Variants in HERC1 observed in about 807,000 individuals in gnomAD.
HERC1 encodes the protein HECT and RLD domain containing E3 ubiquitin protein ligase family member 1.
Under a neutral mutation model 554.3 loss-of-function variants are expected in HERC1, and 160 were observed. The observed-to-expected ratio is 0.29, with a 90% CI of 0.25 to 0.33. The LOEUF (loss-of-function observed/expected upper bound fraction) is 0.33. Among genes scored for constraint, HERC1 ranks in the 10% least tolerant of loss-of-function variants. HERC1 has a pLI of 1.00. For missense variants in HERC1, 4,919 were observed against 5,918.5 expected, an observed-to-expected ratio of 0.83 and a Z score of 5.54; for synonymous variants, 2,175 against 2,131.7, an observed-to-expected ratio of 1.02 and a Z score of -0.56.
At position 63,608,975 on chromosome 15, in the gene HERC1, T is replaced by G; in HGVS notation, c.*106A>C. On this transcript the variant is annotated 3_prime_UTR_variant, in exon 78 of 78. Coordinates refer to ENST00000443617, the MANE Select transcript of HERC1 (RefSeq NM_003922.4). ...ATGTGGCCATTGTTTATAATGTTGG[T>G]TTATGTTCTTATAACATCTATGTAG... The G allele has an allele frequency of 1.0e-6, 1 of 967,540 alleles. No homozygotes were observed. Among genetic ancestry groups the G allele is most frequent in the Non-Finnish European group, 1.5e-6 (1 of 677,272 alleles). 59.9% of individuals were successfully genotyped at this position (967,540 alleles called of 1,614,324 possible). A position where few individuals can be genotyped will look rare whatever the true frequency, so the allele number is the denominator to read the frequency against.
intron 44 of HERC1, among the ~76,000 whole-genome samples, chr15:63,662,723 A>C (rs1431222998): frequency 6.6e-6 from 1 of 152,214 alleles, no homozygotes; most frequent in African/African-American, 2.4e-5. Flanking sequence ...TGACATCAGA[A>C]TCAAATATTA....
intron 23 of HERC1, 99 bp from the exon 24 acceptor site, chr15:63,712,994 G>C: frequency 8.8e-7 from 1 of 1,134,766 alleles, no homozygotes; most frequent in Non-Finnish European, 1.2e-6. Flanking sequence ...TACACACACA[G>C]GGAGGAGTAA....
At chr15:63,785,008 G>A (rs79986168) in intron 1 of HERC1, among the ~76,000 whole-genome samples, 4,137 of 152,254 alleles carry the variant, frequency 0.027, 171 homozygotes, top group African/African-American at 0.094. Context: ...AGAGAGGAAG[G>A]GGAAAGGAGT....
intron 1 of HERC1, among the ~76,000 whole-genome samples, chr15:63,827,435 A>G (rs1424887671): frequency 6.6e-6 from 1 of 152,018 alleles, no homozygotes; most frequent in African/African-American, 2.4e-5. Flanking sequence ...AAAAAAAAAA[A>G]GACCGAAGAA....
rs2069863495 is a variant in HERC1 at position 63,654,026 on chromosome 15, G to C, written c.10290+93C>G. On this transcript the variant is annotated intron_variant, in intron 51 of 77. Transcript: ENST00000443617. The stretch of plus-strand genomic sequence containing the variant: ...TACGTGTGAAAGAGAGTGACACAAA[G>C]AGAGAGACCTAAACTTTGAGCTCCT... The C allele has an allele frequency of 4.3e-6, 4 of 931,134 alleles. No individual in the cohort carries two copies. The Admixed American group carries it at 5.5e-5, about 13-fold the overall frequency. The allele number at this position is 931,134 out of a possible 1,614,324, so 57.7% of individuals were successfully genotyped here.
Position 63,713,672 on chromosome 15 carries a change from C to G in HERC1, c.4151-7G>C. ...AGGAAACACTGAAAGATTTCTGTAACATGCAACACAAAAACAAGGTCTTAA... is the reference window on the plus strand; with the variant it reads ...AGGAAACACTGAAAGATTTCTGTAAGATGCAACACAAAAACAAGGTCTTAA... On this transcript the variant is annotated splice_polypyrimidine_tract_variant and splice_region_variant and intron_variant, in intron 22 of 77. Coordinates refer to ENST00000443617, the MANE Select transcript of HERC1 (RefSeq NM_003922.4). 1 of 1,600,846 alleles carries G rather than the reference C, an allele frequency of 6.2e-7. No homozygotes were observed. Among genetic ancestry groups the G allele is most frequent in the Non-Finnish European group, 8.5e-7 (1 of 1,172,214 alleles).
At chr15:63,746,318 C>T (rs1159176634) in intron 12 of HERC1, among the ~76,000 whole-genome samples, 1 of 152,054 alleles carries the variant, frequency 6.6e-6, no homozygotes, top group African/African-American at 2.4e-5. Context: ...TTAAAAATTA[C>T]TGTACTTTCT....
chr15:63,696,058 C>G, intron 27 of HERC1, 66 bp downstream of exon 27: 1 of 1,197,470 alleles, frequency 8.4e-7, no homozygotes, highest in South Asian at 1.3e-5. Flanking sequence ...CAAAAAGTTT[C>G]ACATTATTAA....
chr15:63,712,760 T>A lies in HERC1; in HGVS notation c.4584+15A>T. 1 of 1,608,192 alleles carries A rather than the reference T, an allele frequency of 6.2e-7. No homozygotes were observed. Among genetic ancestry groups the A allele is most frequent in the Non-Finnish European group, 8.5e-7 (1 of 1,177,648 alleles). On this transcript the variant is annotated intron_variant, in intron 24 of 77. Coordinates refer to ENST00000443617, the MANE Select transcript of HERC1 (RefSeq NM_003922.4). ...AAAACAAAAATCTTTCTTTACTGAA[T>A]CTGGGTATACCTACCAGTGCGTAAC...
chr15:63,622,911 A>T lies in HERC1; in HGVS notation c.13612-20T>A, dbSNP rs1194157260. 9 of 1,542,154 alleles carry T rather than the reference A, an allele frequency of 5.8e-6. No individual in the cohort carries two copies. The South Asian group carries it at 9.8e-5, about 17-fold the overall frequency. Reference sequence around the variant, plus strand: ...AAGTTCCTGCAGAAGAAAGAAAAAAATTTTTTGAGAAATGACAATCAAATG... The same window carrying T: ...AAGTTCCTGCAGAAGAAAGAAAAAATTTTTTTGAGAAATGACAATCAAATG... On this transcript the variant is annotated intron_variant, in intron 73 of 77. Transcript: ENST00000443617.
In HERC1 at chr15:63,666,015, C is replaced by A; in HGVS notation, c.8459G>T (p.Gly2820Val). 1 of 1,614,046 alleles carries A rather than the reference C, an allele frequency of 6.2e-7. No homozygotes were observed. ...GGGATCATTTGACTTCCCGCCACTG[C>A]CTAGAACGGCTGCTCCAGGCCTAGA... ...ADSRPGAAVL[G>V]SGGKSNDPCY... Residue 2820 changes from glycine to valine, a missense_variant, in exon 42 of 78, where the codon GGC (glycine) becomes GTC (valine). By Grantham distance (109) the Gly-to-Val change is moderately radical. Transcript: ENST00000443617.
At position 63,616,528 on chromosome 15, in the gene HERC1, G is replaced by A. The variant is rs759412132; in HGVS notation, c.13843C>T (p.Leu4615=). ...AGATCCACCTCCTCCAGGTCCTCTA[G>A]GGTGAGTGGGACACAGCACAGCTGC... is the stretch of plus-strand genomic sequence containing the variant. The part of the protein sequence containing the change: ...WKQLCCVPLT[L]EDLEEVDLLY... The change falls in exon 75 of 78, where the codon CTA becomes TTA. Residue 4615 remains leucine, a synonymous_variant. Coordinates refer to ENST00000443617, the MANE Select transcript of HERC1 (RefSeq NM_003922.4). 1 of 1,613,846 alleles carries A rather than the reference G, an allele frequency of 6.2e-7. No individual in the cohort carries two copies. The highest frequency in any genetic ancestry group is 1.3e-5 in the African/African-American group (1 of 74,916).
At position 63,674,827 on chromosome 15, in the gene HERC1, G is replaced by GTAC; in HGVS notation, c.7358_7360dup (p.Ser2453dup). 1 of 1,613,860 alleles carries GTAC rather than the reference G, an allele frequency of 6.2e-7. No homozygotes were observed. The highest frequency in any genetic ancestry group is 8.5e-7 in the Non-Finnish European group (1 of 1,179,816). On this transcript the variant is annotated inframe_insertion, in exon 38 of 78. Transcript: ENST00000443617. ...TTCATTTTCTGATTTGGAGCTTGTG[G>GTAC]TACTCTGACTTTTGACGTCATCAGA...
rs1459425253 is a variant in HERC1, at chr15:63,718,891, T to C, written c.3749A>G (p.Asp1250Gly). 1.3e-5 allele frequency: 21 copies of C among 1,591,470 alleles called. No homozygotes were observed. Among genetic ancestry groups the C allele is most frequent in the Non-Finnish European group, 1.7e-5 (20 of 1,165,594 alleles). ...TGACTCATTACTTAAAGTTGCACTG[T>C]CCCAATCTGAAAATAAAAATGATGC... Reference protein sequence around the residue: ...MQDYAVSKDWDSATLSNESLL... With the variant: ...MQDYAVSKDWGSATLSNESLL... The change falls in exon 20 of 78, where the codon GAC (aspartate) becomes GGC (glycine). Residue 1250 changes from aspartate to glycine, a missense_variant. Physicochemically the swap from Asp to Gly is moderately conservative, Grantham distance 94 (BLOSUM62 -1). Transcript: ENST00000443617. This position sits in a 1 kb window ranked among gnomAD's most constrained non-coding sequence, Gnocchi z 4.2.
chr15:63,640,584 T>G, intron 60 of HERC1, 139 bp from the exon 61 acceptor site: 1 of 734,072 alleles, frequency 1.4e-6, no homozygotes, highest in Non-Finnish European at 2.2e-6. Flanking sequence ...AATTTTAGAT[T>G]TAGAGTGAGT....
chr15:63,658,377 T>A (rs1272409406), intron 48 of HERC1, among the ~76,000 whole-genome samples, 167 bp downstream of exon 48: 5 of 152,266 alleles, frequency 3.3e-5, no homozygotes, highest in African/African-American at 1.2e-4. Flanking sequence ...AAGTATTAAC[T>A]GAATGACCGA....
chr15:63,690,493 A>G (rs572232985), intron 32 of HERC1, 48 bp downstream of exon 32: 38 of 1,269,946 alleles, frequency 3.0e-5, no homozygotes, highest in Non-Finnish European at 4.0e-5. Context: ...TGGGTGAATC[A>G]TTTTGCAAAT....
chr15:63,723,424 C>T (rs963003363), intron 18 of HERC1, 69 bp from the exon 19 acceptor site: 5 of 1,037,454 alleles, frequency 4.8e-6, no homozygotes, highest in Admixed American at 5.8e-5. Context: ...AATCTTACCA[C>T]ATTTATTTAA....
At chr15:63,737,481 GAT>G (rs1162968549) in intron 12 of HERC1, among the ~76,000 whole-genome samples, 1 of 45,190 alleles carries the variant, frequency 2.2e-5, no homozygotes, top group East Asian at 3.5e-4. Context: ...CTTTTTTCCA[GAT>G]ATATATATAT....
Sources: allele counts gnomAD v4.1 joint callset (sites outside exome capture counted in the v4.1 genomes callset), GRCh38; gene constraint gnomAD v4.1.1; non-coding constraint Gnocchi (gnomAD v3.1); transcripts MANE v1.5; gene names NCBI Gene and HGNC (gene_info 2026-07-23, HGNC 2026-07-21).